ORC1: variants seen among roughly 807,000 people sequenced by gnomAD.
ORC1 encodes the protein origin recognition complex, subunit 1 homolog.
A neutral mutation model predicts 98.9 loss-of-function variants in ORC1; 61 were observed. The ratio of observed to expected loss-of-function variants is 0.62; its 90% confidence interval spans 0.50 to 0.76. ORC1 has a LOEUF of 0.76. Among genes scored for constraint, ORC1 ranks in the 30% least tolerant of loss-of-function variants. The pLI is 0.00. For synonymous variants in ORC1, 385 were observed against 406.9 expected, an observed-to-expected ratio of 0.95 and a Z score of 0.65; for missense variants, 979 against 1,072.2, an observed-to-expected ratio of 0.91 and a Z score of 1.21.
rs778703875 is a variant in ORC1 at position 52,375,545 on chromosome 1, T to C, written c.2188A>G (p.Thr730Ala). 15 of 1,614,030 alleles carry C rather than the reference T, an allele frequency of 9.3e-6. No individual in the cohort carries two copies. Among genetic ancestry groups the C allele is most frequent in the Admixed American group, 1.7e-5 (1 of 60,000 alleles). Residue 730 changes from threonine (T) to alanine (A), a missense_variant, in exon 15 of 17, where the codon ACA (threonine) becomes GCA (alanine). Transcript: ENST00000371568. ...TGCTGGGAGAACTCACAGATCTCTG[T>C]GGCACGCCTGCAGATGTCCAGGCAC... ...RRCLDICRRA[T>A]EICEFSQQKP...
chr1:52,393,694 T>A lies in ORC1; in HGVS notation c.831A>T (p.Arg277Ser). ...AGGTTTGAAGTTTATCAGGCTGAGATCTCTTAGAAGGTGAGGTGATCTCCG... is the reference window on the plus strand; with the variant it reads ...AGGTTTGAAGTTTATCAGGCTGAGAACTCTTAGAAGGTGAGGTGATCTCCG... The part of the protein sequence containing the change: ...AFSEITSPSK[R>S]SQPDKLQTLS... Residue 277 changes from arginine to serine, a missense_variant, in exon 6 of 17, where the codon AGA becomes AGT. Transcript: ENST00000371568. 1.9e-6 allele frequency: 3 copies of A among 1,614,036 alleles called. No individual in the cohort carries two copies. The Admixed American group carries it at 5.0e-5, about 27-fold the overall frequency.
intron 13 of ORC1, among the ~76,000 whole-genome samples, chr1:52,382,003 G>C (rs1193288973): frequency 6.6e-6 from 1 of 151,906 alleles, no homozygotes; most frequent in Non-Finnish European, 1.5e-5. Flanking sequence ...CTTTGAGACG[G>C]AGTCTTGCTC....
At chr1:52,406,111 C>T (rs751036724), upstream of ORC1, among the ~76,000 whole-genome samples, 2 of 152,160 alleles carry the variant, frequency 1.3e-5, no homozygotes, top group Non-Finnish European at 2.9e-5. Flanking sequence ...GTCTCAGCCT[C>T]CCGAGTAGCT....
chr1:52,400,426 A>G (rs1048748506), intron 3 of ORC1, among the ~76,000 whole-genome samples: 1 of 152,202 alleles, frequency 6.6e-6, no homozygotes, highest in African/African-American at 2.4e-5. Context: ...TTTCCATTTA[A>G]TATTTTTGGA....
rs980232420 is a variant in ORC1, at chr1:52,385,447, C to T, written c.1482-185G>A. 2.0e-5 allele frequency among the ~76,000 whole-genome samples: 3 copies of T among 152,296 alleles called. No individual in the cohort carries two copies. In the East Asian group the frequency reaches 5.8e-4, roughly 29 times the overall value. Reference sequence around the variant, plus strand: ...ATTTGGCCTCATAATCCTTGGCCTCCGTTTCTCCACCCAAATCACATGGGT... The same window carrying T: ...ATTTGGCCTCATAATCCTTGGCCTCTGTTTCTCCACCCAAATCACATGGGT... On this transcript the variant is annotated intron_variant, in intron 9 of 16. Transcript: ENST00000371568.
At chr1:52,400,401 G>GT (rs1425257089) in intron 3 of ORC1, among the ~76,000 whole-genome samples, 1 of 152,148 alleles carries the variant, frequency 6.6e-6, no homozygotes, top group Non-Finnish European at 1.5e-5. Context: ...CTTATGACTT[G>GT]TTTTTTTCTG....
intron 13 of ORC1, among the ~76,000 whole-genome samples, chr1:52,382,549 C>T (rs1026829378): frequency 1.3e-5 from 2 of 151,124 alleles, no homozygotes; most frequent in African/African-American, 2.4e-5. Context: ...CTAACACTGC[C>T]TGGCAGGTTA....
Position 52,397,648 on chromosome 1 carries a change from G to A in ORC1, c.402+37C>T, listed in dbSNP as rs1175071929. The A allele has an allele frequency of 3.7e-6, 6 of 1,601,570 alleles. No individual in the cohort carries two copies. The African/African-American group carries it at 5.4e-5, about 14-fold the overall frequency. ...AAGTTCAGGAGGCAGACAGAAATAA[G>A]CTTCAAGGTAGAACCAAGGATGGTG... On this transcript the variant is annotated intron_variant, in intron 4 of 16. Coordinates refer to ENST00000371568, the MANE Select transcript of ORC1 (RefSeq NM_004153.4).
chr1:52,408,722 T>C, upstream of ORC1: 3 of 1,608,566 alleles, frequency 1.9e-6, no homozygotes, highest in Non-Finnish European at 2.6e-6. Context: ...CTGATTGTCA[T>C]TTTTAAGCCA....
rs2147905521 is a variant in ORC1 at position 52,373,090 on chromosome 1, C to T, written c.*91G>A. On this transcript the variant is annotated 3_prime_UTR_variant, in exon 17 of 17. Transcript: ENST00000371568. ...AAGGCTGCAGTGAGCCATGATCGTG[C>T]CACTGCACTCCAGCCTGGGCGACAG... is the stretch of plus-strand genomic sequence containing the variant. 1.5e-6 allele frequency: 2 copies of T among 1,305,304 alleles called. No individual in the cohort carries two copies. The highest frequency in any genetic ancestry group is 2.2e-6 in the Non-Finnish European group (2 of 902,116). 80.9% of individuals were successfully genotyped at this position (1,305,304 alleles called of 1,614,324 possible). A position where few individuals can be genotyped will look rare whatever the true frequency, so the allele number is the denominator to read the frequency against.
At chr1:52,388,681 T>C in intron 7 of ORC1, 44 bp from the exon 8 acceptor site, 2 of 1,528,442 alleles carry the variant, frequency 1.3e-6, no homozygotes, top group Non-Finnish European at 1.8e-6. Context: ...TGTTCAAGTC[T>C]AAATAAGAAG....
chr1:52,398,260 C>T (rs1321039784), intron 3 of ORC1, among the ~76,000 whole-genome samples: 1 of 143,532 alleles, frequency 7.0e-6, no homozygotes, highest in African/African-American at 2.6e-5. Context: ...CACCACCTCC[C>T]GCCAAAATTT....
At chr1:52,374,268 T>C (rs1380126597) in intron 16 of ORC1, among the ~76,000 whole-genome samples, 2 of 152,204 alleles carry the variant, frequency 1.3e-5, no homozygotes, top group African/African-American at 4.8e-5. Flanking sequence ...GAAAGGAAAA[T>C]GTTTTCCTGA....
chr1:52,375,503 C>G lies in ORC1; in HGVS notation c.2230G>C (p.Gly744Arg). 2 of 1,614,142 alleles carry G rather than the reference C, an allele frequency of 1.2e-6. No individual in the cohort carries two copies. Among genetic ancestry groups the G allele is most frequent in the Non-Finnish European group, 1.7e-6 (2 of 1,180,004 alleles). ...ATTGAGTGGGCTATGGTGACCAGGCCAGGGGAGTCAGGCTTCTGCTGGGAG... is the reference window on the plus strand; with the variant it reads ...ATTGAGTGGGCTATGGTGACCAGGCGAGGGGAGTCAGGCTTCTGCTGGGAG... ...EFSQQKPDSP[G>R]LVTIAHSMEA... The change falls in exon 15 of 17, where the codon GGC (glycine) becomes CGC (arginine). Residue 744 changes from glycine to arginine, a missense_variant. By Grantham distance (125) the Gly-to-Arg change is moderately radical. Coordinates refer to ENST00000371568, the MANE Select transcript of ORC1 (RefSeq NM_004153.4).
upstream of ORC1, among the ~76,000 whole-genome samples, chr1:52,405,212 C>G (rs1569970433): frequency 6.6e-6 from 1 of 152,282 alleles, no homozygotes; most frequent in African/African-American, 2.4e-5. Context: ...CTTTAAGGAC[C>G]TAACGTTAAT....
intron 14 of ORC1, 87 bp from the exon 15 acceptor site, chr1:52,375,686 G>A (rs1374842503): frequency 1.2e-5 from 15 of 1,237,428 alleles, no homozygotes; most frequent in East Asian, 4.6e-5. Context: ...GGACATAAGC[G>A]TAAAGTTAAG....
At chr1:52,379,778 CA>C (rs1197622063) in intron 14 of ORC1, among the ~76,000 whole-genome samples, 12 of 151,558 alleles carry the variant, frequency 7.9e-5, no homozygotes, top group Non-Finnish European at 1.3e-4. Context: ...ACTAAAAATA[CA>C]AAAATTAGCT....
intron 1 of ORC1, among the ~76,000 whole-genome samples, chr1:52,402,981 T>C (rs1271431276): frequency 6.6e-6 from 1 of 152,216 alleles, no homozygotes; most frequent in Non-Finnish European, 1.5e-5. Context: ...CAGCCTTAAC[T>C]CAAACCCGGA....
upstream of ORC1, chr1:52,405,969 G>C (rs1647976672): frequency 2.7e-6 from 2 of 744,786 alleles, no homozygotes. Context: ...TTGCTTTTGA[G>C]CCCTTGAGTT....
Sources: gnomAD v4.1 joint callset for allele counts (sites outside exome capture counted in the v4.1 genomes callset) on GRCh38, gnomAD v4.1.1 for gene constraint, MANE v1.5 for transcripts, NCBI Gene and HGNC (gene_info 2026-07-23, HGNC 2026-07-21) for gene names.